The following CEP128 variants were observed in gnomAD, a reference collection of about 807,000 sequenced individuals.
CEP128 encodes the protein centrosomal protein 128kDa.
A neutral mutation model predicts 156.7 loss-of-function variants in CEP128; 132 were observed. That is an observed-to-expected ratio of 0.84 (90% CI 0.73 to 0.97). The LOEUF is 0.97. Among genes scored for constraint, CEP128 ranks in the 50% least tolerant of loss-of-function variants. The pLI, the probability that CEP128 is intolerant of heterozygous loss-of-function variation, is 0.00. For synonymous variants in CEP128, 469 were observed against 448.9 expected (o/e 1.04, Z -0.57); for missense variants, 1,252 against 1,281.9 (o/e 0.98, Z 0.36).
At chr14:80,512,210 C>T (rs966675254) in intron 23 of CEP128, among the ~76,000 whole-genome samples, 2 of 152,022 alleles carry the variant, frequency 1.3e-5, no homozygotes, top group Non-Finnish European at 2.9e-5. Context: ...ATCTTTCTCT[C>T]TCTTTAGCTC....
chr14:80,764,360 G>A (rs1353111830), intron 16 of CEP128, among the ~76,000 whole-genome samples: 3 of 151,954 alleles, frequency 2.0e-5, no homozygotes, highest in South Asian at 2.1e-4. Flanking sequence ...TTAGCCGGGC[G>A]CGGTGGCAGG....
chr14:80,946,670 A>G (rs922838746), upstream of CEP128, among the ~76,000 whole-genome samples: 1 of 152,336 alleles, frequency 6.6e-6, no homozygotes, highest in South Asian at 2.1e-4. Flanking sequence ...AGAGAAGGGA[A>G]GACAACTATT....
At chr14:80,731,555 G>A (rs57834417) in intron 19 of CEP128, among the ~76,000 whole-genome samples, 4,896 of 152,224 alleles carry the variant, frequency 0.032, 257 homozygotes, top group African/African-American at 0.11. Context: ...TTGTCAAAAT[G>A]TGATGTAACT....
chr14:80,910,571 G>A (rs1884150628), intron 4 of CEP128, among the ~76,000 whole-genome samples: 1 of 152,130 alleles, frequency 6.6e-6, no homozygotes, highest in African/African-American at 2.4e-5. Flanking sequence ...AGTCCTCCTA[G>A]AAGCTGAGCA....
intron 16 of CEP128, 110 bp downstream of exon 16, chr14:80,777,772 A>C: frequency 1.2e-6 from 1 of 855,006 alleles, no homozygotes; most frequent in Non-Finnish European, 1.7e-6. Context: ...GCACCAATAC[A>C]ACTTCCCTGT....
intron 2 of CEP128, among the ~76,000 whole-genome samples, chr14:80,938,125 T>C (rs1266574585): frequency 2.0e-5 from 3 of 152,098 alleles, no homozygotes; most frequent in Non-Finnish European, 4.4e-5. Flanking sequence ...CTAAAACTCC[T>C]GGGCTCAAGC....
intron 19 of CEP128, among the ~76,000 whole-genome samples, chr14:80,696,915 G>C (rs1404115883): frequency 6.6e-6 from 1 of 152,106 alleles, no homozygotes; most frequent in Non-Finnish European, 1.5e-5. Flanking sequence ...GAACAGACTT[G>C]AGCGTATTAA....
chr14:80,541,942 C>T (rs981061801), intron 21 of CEP128, among the ~76,000 whole-genome samples: 2 of 151,752 alleles, frequency 1.3e-5, no homozygotes, highest in African/African-American at 2.4e-5. Context: ...GTTCCTGATC[C>T]CTCTACACTG....
intron 13 of CEP128, among the ~76,000 whole-genome samples, chr14:80,806,111 T>C (rs1452226911): frequency 6.6e-6 from 1 of 152,156 alleles, no homozygotes; most frequent in Admixed American, 6.5e-5. Context: ...CATATGCCAT[T>C]ATCATTTTCT....
chr14:80,799,809 G>A (rs867880070), intron 13 of CEP128, among the ~76,000 whole-genome samples: 1 of 152,050 alleles, frequency 6.6e-6, no homozygotes, highest in Non-Finnish European at 1.5e-5. Context: ...CTCTGCTCTC[G>A]AACCCTGTTT....
rs142336108 is a variant in CEP128, at chr14:80,682,032, T to C, written c.2806+61043A>G. Among the ~76,000 whole-genome samples the C allele has an allele frequency of 2.7e-3, 417 of 152,156 alleles. 2 individuals are homozygous for C. The highest frequency in any genetic ancestry group is 9.6e-3 in the African/African-American group (400 of 41,500). ...CTTAGACAGAAGGATCACTTGAACC[T>C]AGGAGATCAAACACACAGTTAGCTA... On this transcript the variant is annotated intron_variant, in intron 19 of 24. Coordinates refer to ENST00000555265, the MANE Select transcript of CEP128 (RefSeq NM_152446.5).
At chr14:80,885,757 C>G (rs1888767447) in intron 8 of CEP128, among the ~76,000 whole-genome samples, 1 of 152,068 alleles carries the variant, frequency 6.6e-6, no homozygotes, top group Admixed American at 6.5e-5. Context: ...AGCAACGGCA[C>G]CAAATTGGAC....
At chr14:80,634,641 C>T (rs1031141324) in intron 19 of CEP128, among the ~76,000 whole-genome samples, 1 of 152,120 alleles carries the variant, frequency 6.6e-6, no homozygotes, top group Non-Finnish European at 1.5e-5. Context: ...TTCCCAACTT[C>T]TAATTTGGAG....
At chr14:80,883,391 A>G (rs1428035910) in intron 8 of CEP128, among the ~76,000 whole-genome samples, 2 of 152,162 alleles carry the variant, frequency 1.3e-5, no homozygotes, top group Non-Finnish European at 1.5e-5. Context: ...TAAACTCAGT[A>G]AAGTTGCAGG....
intron 19 of CEP128, among the ~76,000 whole-genome samples, chr14:80,606,634 G>GA (rs1017091178): frequency 1.3e-4 from 20 of 152,122 alleles, no homozygotes; most frequent in Non-Finnish European, 2.4e-4. Flanking sequence ...CCCTAAAGTA[G>GA]AAAATGTTAT....
intron 16 of CEP128, among the ~76,000 whole-genome samples, chr14:80,765,634 G>A (rs1295526928): frequency 6.6e-6 from 1 of 152,150 alleles, no homozygotes; most frequent in Non-Finnish European, 1.5e-5. Context: ...AGGGAATGTA[G>A]GTAACTTCTT....
intron 19 of CEP128, among the ~76,000 whole-genome samples, chr14:80,617,784 G>T (rs8018031): frequency 0.3 from 45,991 of 151,972 alleles, 7,346 homozygotes; most frequent in East Asian, 0.5. Flanking sequence ...GGGCAACATG[G>T]CGAGACCCTG....
At chr14:80,944,082 A>T (rs889306191), upstream of CEP128, among the ~76,000 whole-genome samples, 1 of 152,212 alleles carries the variant, frequency 6.6e-6, no homozygotes, top group Non-Finnish European at 1.5e-5. Context: ...TAAAGCCGAC[A>T]AAATGAGTTA....
At chr14:80,557,925 C>T (rs1339429870) in intron 21 of CEP128, among the ~76,000 whole-genome samples, 1 of 151,942 alleles carries the variant, frequency 6.6e-6, no homozygotes, top group Non-Finnish European at 1.5e-5. Flanking sequence ...AAAATATGCA[C>T]ATTTAATATT....
Sources: allele counts gnomAD v4.1 joint callset (sites outside exome capture counted in the v4.1 genomes callset), GRCh38; gene constraint gnomAD v4.1.1; transcripts MANE v1.5; gene names NCBI Gene and HGNC (gene_info 2026-07-23, HGNC 2026-07-21).